The following ALK variants were observed in gnomAD, a reference collection of about 807,000 sequenced individuals.
The protein encoded by ALK is ALK tyrosine kinase receptor.
ALK carries 74 observed loss-of-function variants against 163.1 expected under a neutral mutation model. That is an observed-to-expected ratio of 0.45 (90% CI 0.38 to 0.55). ALK has a LOEUF of 0.55. Ranked by LOEUF, ALK falls within the 20% of genes least tolerant of loss-of-function variation. The pLI is 0.00. For missense variants in ALK, 2,063 were observed against 2,105.3 expected (o/e 0.98, Z 0.39); for synonymous variants, 960 against 843.2 (o/e 1.14, Z -2.40).
chr2:29,532,963 C>A (rs1673159456), intron 3 of ALK, among the ~76,000 whole-genome samples: 2 of 152,322 alleles, frequency 1.3e-5, no homozygotes, highest in South Asian at 4.1e-4. Flanking sequence ...TCCAAGGTCT[C>A]CTTCTGCAGA....
intron 5 of ALK, among the ~76,000 whole-genome samples, chr2:29,342,091 C>T (rs923714513): frequency 6.6e-6 from 1 of 151,800 alleles, no homozygotes. Flanking sequence ...ATGAATATGA[C>T]CGAAATATAC....
intron 3 of ALK, among the ~76,000 whole-genome samples, chr2:29,645,940 T>C (rs1013717208): frequency 6.6e-6 from 1 of 152,172 alleles, no homozygotes; most frequent in Non-Finnish European, 1.5e-5. Flanking sequence ...CTTTCTTAGC[T>C]ACAGTCATTC....
chr2:29,600,817 G>A (rs936552968), intron 3 of ALK, among the ~76,000 whole-genome samples: 2 of 152,156 alleles, frequency 1.3e-5, no homozygotes, highest in Admixed American at 6.5e-5. Context: ...GGTGGGTGGA[G>A]GAGTAGGAAG....
chr2:29,781,895 C>T (rs1267127716), intron 1 of ALK, among the ~76,000 whole-genome samples: 1 of 152,154 alleles, frequency 6.6e-6, no homozygotes. Context: ...TTCCTCTAGA[C>T]AGAAAGAACT....
At chr2:29,311,637 C>T (rs1348284754) in intron 8 of ALK, among the ~76,000 whole-genome samples, 2 of 152,202 alleles carry the variant, frequency 1.3e-5, no homozygotes, top group African/African-American at 4.8e-5. Flanking sequence ...ACCTCGTTGA[C>T]GGCAGCTGTC....
chr2:29,894,906 G>C (rs949148799), intron 1 of ALK, among the ~76,000 whole-genome samples: 1 of 151,668 alleles, frequency 6.6e-6, no homozygotes, highest in Non-Finnish European at 1.5e-5. Flanking sequence ...AATGCACTTG[G>C]TGGTCAATAT....
rs923609293 is a variant in ALK, at chr2:29,812,103, A to G, written c.668-94406T>C. ...GGAGGTTCCCGAAGGAAGGACAAGT[A>G]TGAGACACAAAAGGCACACAGTTCT... is the stretch of plus-strand genomic sequence containing the variant. On this transcript the variant is annotated intron_variant, in intron 1 of 28. Transcript: ENST00000389048. Among the ~76,000 whole-genome samples, 8 of 152,318 alleles carry G rather than the reference A, an allele frequency of 5.3e-5. No homozygotes were observed. The South Asian group carries it at 1.7e-3, about 32-fold the overall frequency.
Position 29,509,028 on chromosome 2 carries a change from G to A in ALK, c.1154+22887C>T, listed in dbSNP as rs146650370. Among the ~76,000 whole-genome samples, 57 of 152,272 alleles carry A rather than the reference G, an allele frequency of 3.7e-4. No individual in the cohort carries two copies. In the Middle Eastern group the frequency reaches 0.01, roughly 27 times the overall value. The stretch of plus-strand genomic sequence containing the variant: ...AAATGGATGTGAGTAGCGTGTGCAG[G>A]TATGCCCATCTGTGGACGGAGGGGA... On this transcript the variant is annotated intron_variant, in intron 4 of 28. Coordinates refer to ENST00000389048, the MANE Select transcript of ALK (RefSeq NM_004304.5).
chr2:29,275,541 T>A, intron 9 of ALK, 45 bp from the exon 10 acceptor site: 1 of 1,601,610 alleles, frequency 6.2e-7, no homozygotes, highest in Non-Finnish European at 8.6e-7. Flanking sequence ...AACTGGGGGG[T>A]CTTGTCTTAG....
At chr2:29,458,138 A>C (rs1671003602) in intron 4 of ALK, among the ~76,000 whole-genome samples, 1 of 152,198 alleles carries the variant, frequency 6.6e-6, no homozygotes, top group Non-Finnish European at 1.5e-5. Context: ...ATGTGTATAC[A>C]TATACATACA....
At chr2:29,851,596 A>G (rs976708964) in intron 1 of ALK, among the ~76,000 whole-genome samples, 1 of 152,188 alleles carries the variant, frequency 6.6e-6, no homozygotes, top group Non-Finnish European at 1.5e-5. Flanking sequence ...GGGCTCAGTA[A>G]GTCTAGGGTG....
At chr2:29,323,822 T>C (rs1667151553) in intron 6 of ALK, among the ~76,000 whole-genome samples, 1 of 152,230 alleles carries the variant, frequency 6.6e-6, no homozygotes, top group South Asian at 2.1e-4. Context: ...TCCTTTTCTC[T>C]TCTCATTCGC....
intron 3 of ALK, among the ~76,000 whole-genome samples, chr2:29,602,008 C>A (rs1287903305): frequency 1.3e-5 from 2 of 152,064 alleles, no homozygotes. Flanking sequence ...GTGAGTGCCT[C>A]AAGGGTTGGA....
At chr2:29,545,987 A>AATAT (rs1673541544) in intron 3 of ALK, among the ~76,000 whole-genome samples, 1 of 152,166 alleles carries the variant, frequency 6.6e-6, no homozygotes, top group Non-Finnish European at 1.5e-5. Flanking sequence ...CCCTAGAAAT[A>AATAT]ATATATATTT....
chr2:29,380,328 T>C (rs1292218697), intron 5 of ALK, among the ~76,000 whole-genome samples: 1 of 151,354 alleles, frequency 6.6e-6, no homozygotes, highest in Non-Finnish European at 1.5e-5. Context: ...ATGGTCTTGA[T>C]CTCTTGACCT....
intron 5 of ALK, among the ~76,000 whole-genome samples, chr2:29,354,980 A>G (rs1037976484): frequency 3.3e-5 from 5 of 151,902 alleles, no homozygotes; most frequent in African/African-American, 9.7e-5. Flanking sequence ...GTTAGCCAGG[A>G]TGGTCTCAGT....
intron 3 of ALK, among the ~76,000 whole-genome samples, chr2:29,668,438 T>C (rs919028663): frequency 6.6e-6 from 1 of 152,130 alleles, no homozygotes; most frequent in Non-Finnish European, 1.5e-5. Context: ...CCCATAGATT[T>C]TGGTATGTTG....
intron 3 of ALK, among the ~76,000 whole-genome samples, chr2:29,643,072 T>G (rs1427600473): frequency 2.6e-5 from 4 of 151,362 alleles, no homozygotes; most frequent in South Asian, 2.1e-4. Context: ...GAGACAGAGA[T>G]AAAATGGTAT....
At chr2:29,356,760 G>A (rs1668256608) in intron 5 of ALK, among the ~76,000 whole-genome samples, 1 of 152,176 alleles carries the variant, frequency 6.6e-6, no homozygotes, top group Non-Finnish European at 1.5e-5. Flanking sequence ...AATCAAGCGT[G>A]CCATCTGGGC....
Sources: gnomAD v4.1 joint callset for allele counts (sites outside exome capture counted in the v4.1 genomes callset) on GRCh38, gnomAD v4.1.1 for gene constraint, MANE v1.5 for transcripts, NCBI Gene and HGNC (gene_info 2026-07-23, HGNC 2026-07-21) for gene names.